The following PAN3 variants were observed in gnomAD, a reference collection of about 807,000 sequenced individuals.
PAN3 encodes the protein PAN2-PAN3 deadenylation complex subunit PAN3.
A neutral mutation model predicts 96.2 loss-of-function variants in PAN3; 19 were observed. The ratio of observed to expected loss-of-function variants is 0.20; its 90% CI spans 0.14 to 0.29. PAN3 has a LOEUF of 0.29. PAN3 is among the 10% of genes least tolerant of loss of function. The pLI is 1.00. For synonymous variants in PAN3, 433 were observed against 406.6 expected, an observed-to-expected ratio of 1.06 and a Z score of -0.78; for missense variants, 882 against 1,108.1, an observed-to-expected ratio of 0.80 and a Z score of 2.90.
chr13:28,167,776 C>T (rs369170453), intron 1 of PAN3, among the ~76,000 whole-genome samples: 17 of 152,028 alleles, frequency 1.1e-4, no homozygotes, highest in African/African-American at 4.1e-4. Flanking sequence ...CCCGGGAGTC[C>T]GAGGTTGCAG....
intron 4 of PAN3, among the ~76,000 whole-genome samples, chr13:28,190,296 G>A (rs1377860409): frequency 6.6e-6 from 1 of 152,160 alleles, no homozygotes; most frequent in Non-Finnish European, 1.5e-5. Context: ...AGGTTAGAGT[G>A]CAGTGGCACA....
intron 6 of PAN3, among the ~76,000 whole-genome samples, chr13:28,235,102 G>T (rs760193240): frequency 1.3e-5 from 2 of 151,992 alleles, no homozygotes; most frequent in African/African-American, 4.8e-5. Context: ...TGTGTACTCC[G>T]TTCTGGCCTT....
chr13:28,154,341 C>CAG (rs377270774), intron 1 of PAN3, among the ~76,000 whole-genome samples: 43 of 151,890 alleles, frequency 2.8e-4, no homozygotes, highest in African/African-American at 1.0e-3. Flanking sequence ...GGGTACCTGT[C>CAG]GTTAAGCCAC....
intron 1 of PAN3, among the ~76,000 whole-genome samples, chr13:28,139,534 G>GTGTGTC (rs1427679723): frequency 6.7e-6 from 1 of 148,252 alleles, no homozygotes; most frequent in African/African-American, 2.5e-5. Context: ...GTGTGTGTGT[G>GTGTGTC]TGTGTGTGTG....
intron 5 of PAN3, among the ~76,000 whole-genome samples, chr13:28,198,143 A>G (rs1193064683): frequency 2.0e-5 from 3 of 152,016 alleles, no homozygotes; most frequent in African/African-American, 4.8e-5. Flanking sequence ...AATTTTAGCC[A>G]GGTGTGGTGG....
chr13:28,249,109 G>A (rs1426057905), intron 6 of PAN3, among the ~76,000 whole-genome samples: 1 of 151,956 alleles, frequency 6.6e-6, no homozygotes, highest in African/African-American at 2.4e-5. Flanking sequence ...AAATGTTTTT[G>A]GTTGCTTGTG....
intron 4 of PAN3, among the ~76,000 whole-genome samples, chr13:28,187,487 G>C (rs1450716435): frequency 6.6e-6 from 1 of 152,150 alleles, no homozygotes. Flanking sequence ...ATGTGCCCTT[G>C]CATAGCAAGG....
At chr13:28,154,059 A>T (rs1045563291) in intron 1 of PAN3, among the ~76,000 whole-genome samples, 6 of 152,180 alleles carry the variant, frequency 3.9e-5, no homozygotes, top group African/African-American at 1.4e-4. Flanking sequence ...TTATTGGAGG[A>T]TATTTTTCGG....
At chr13:28,159,665 C>G (rs937408705) in intron 1 of PAN3, among the ~76,000 whole-genome samples, 2 of 152,118 alleles carry the variant, frequency 1.3e-5, no homozygotes, top group Admixed American at 6.5e-5. Context: ...TCAGGCTGGT[C>G]TTGAACTCCC....
At chr13:28,178,420 T>A (rs1029623926) in intron 4 of PAN3, among the ~76,000 whole-genome samples, 7 of 152,178 alleles carry the variant, frequency 4.6e-5, no homozygotes, top group African/African-American at 1.7e-4. Flanking sequence ...AATTTAATTT[T>A]ATTTGGAATT....
At chr13:28,285,811 T>A (rs1478173904) in intron 17 of PAN3, among the ~76,000 whole-genome samples, 1 of 152,192 alleles carries the variant, frequency 6.6e-6, no homozygotes, top group African/African-American at 2.4e-5. Flanking sequence ...CAAGAACAAT[T>A]CTGTTTTCTG....
chr13:28,264,667 A>T (rs1020694883), intron 9 of PAN3, among the ~76,000 whole-genome samples: 1 of 152,212 alleles, frequency 6.6e-6, no homozygotes, highest in Non-Finnish European at 1.5e-5. Flanking sequence ...ACGAGTGCCT[A>T]CTATCCTTGG....
intron 4 of PAN3, among the ~76,000 whole-genome samples, chr13:28,195,750 T>C (rs1380831888): frequency 6.6e-6 from 1 of 152,078 alleles, no homozygotes; most frequent in African/African-American, 2.4e-5. Context: ...TGGCTAGGGC[T>C]GGTCTCGAAC....
At chr13:28,269,499 A>G (rs1886437040) in intron 12 of PAN3, among the ~76,000 whole-genome samples, 1 of 152,064 alleles carries the variant, frequency 6.6e-6, no homozygotes, top group African/African-American at 2.4e-5. Context: ...AAATATATTG[A>G]TTTAGAAAAT....
intron 6 of PAN3, among the ~76,000 whole-genome samples, chr13:28,223,117 T>G (rs1881577892): frequency 6.6e-6 from 1 of 152,222 alleles, no homozygotes; most frequent in South Asian, 2.1e-4. Flanking sequence ...TGAATCACAT[T>G]GCTTTTTAAA....
intron 17 of PAN3, among the ~76,000 whole-genome samples, chr13:28,285,144 T>C (rs1257603356): frequency 1.3e-5 from 2 of 152,202 alleles, no homozygotes; most frequent in Non-Finnish European, 2.9e-5. Context: ...TACTGGTATA[T>C]ATGAGAATTC....
At chr13:28,234,645 T>C (rs1283489024) in intron 6 of PAN3, among the ~76,000 whole-genome samples, 1 of 152,224 alleles carries the variant, frequency 6.6e-6, no homozygotes, top group Non-Finnish European at 1.5e-5. Context: ...TTAACTCTTA[T>C]CCTACATTCT....
At chr13:28,222,293 G>C (rs1464506923) in intron 6 of PAN3, among the ~76,000 whole-genome samples, 1 of 151,914 alleles carries the variant, frequency 6.6e-6, no homozygotes, top group Non-Finnish European at 1.5e-5. Context: ...AGAAACTTAG[G>C]GTGAAATTAA....
At chr13:28,149,327 C>T (rs188199641) in intron 1 of PAN3, among the ~76,000 whole-genome samples, 49 of 152,252 alleles carry the variant, frequency 3.2e-4, no homozygotes, top group African/African-American at 1.1e-3. Flanking sequence ...CATGCCACTG[C>T]CCTCCAGCAA....
Sources: gnomAD v4.1 joint callset for allele counts (sites outside exome capture counted in the v4.1 genomes callset) on GRCh38, gnomAD v4.1.1 for gene constraint, MANE v1.5 for transcripts, NCBI Gene and HGNC (gene_info 2026-07-23, HGNC 2026-07-21) for gene names.